HECTD4: variants seen among roughly 807,000 people sequenced by gnomAD.
The protein encoded by HECTD4 is probable E3 ubiquitin-protein ligase HECTD4.
HECTD4 carries 114 observed loss-of-function variants against 471.5 expected under a neutral mutation model. The ratio of observed to expected loss-of-function variants is 0.24; its 90% CI spans 0.21 to 0.28. The LOEUF is 0.28. Ranked by LOEUF, HECTD4 falls within the 10% of genes least tolerant of loss-of-function variation. HECTD4 has a pLI of 1.00. For missense variants in HECTD4, 3,866 were observed against 5,651.5 expected (o/e 0.68, Z 10.13); for synonymous variants, 2,012 against 2,256.0 (o/e 0.89, Z 3.07).
At chr12:112,262,044 C>A (rs1040450657) in intron 17 of HECTD4, 3 of 152,056 alleles carry the variant, frequency 2.0e-5, no homozygotes, top group Non-Finnish European at 4.4e-5. Flanking sequence ...AGTACAAATA[C>A]TAAATAATGT....
chr12:112,176,828 G>A, intron 64 of HECTD4, 126 bp from the exon 65 acceptor site: 1 of 746,284 alleles, frequency 1.3e-6, no homozygotes, highest in Non-Finnish European at 2.3e-6. Flanking sequence ...CTCAGATAGG[G>A]CGGGGGCGTT....
At chr12:112,272,950 T>A (rs1448462041) in intron 11 of HECTD4, among the ~76,000 whole-genome samples, 2 of 152,170 alleles carry the variant, frequency 1.3e-5, no homozygotes, top group Non-Finnish European at 2.9e-5. Flanking sequence ...GTGGTCAGCA[T>A]AGTAATTCTC....
Position 112,175,730 on chromosome 12 carries a change from T to C in HECTD4, c.11594+6A>G. 3.1e-6 allele frequency: 5 copies of C among 1,611,452 alleles called. No homozygotes were observed. The highest frequency in any genetic ancestry group is 4.2e-6 in the Non-Finnish European group (5 of 1,178,814). On this transcript the variant is annotated splice_donor_region_variant and intron_variant, in intron 66 of 75. Coordinates refer to ENST00000682272, the MANE Select transcript of HECTD4 (RefSeq NM_001388303.1). ...TGCCAACTGAGTCGAGGGGTAACCC[T>C]CTTACCTCTCAAAGTGAAGATCGTA... is the stretch of plus-strand genomic sequence containing the variant.
chr12:112,210,361 G>A (rs1472332676), intron 49 of HECTD4, 109 bp from the exon 50 acceptor site: 7 of 1,156,238 alleles, frequency 6.1e-6, no homozygotes, highest in Non-Finnish European at 8.9e-6. Flanking sequence ...ATAGCCCGAG[G>A]TGTGTGCTGG....
chr12:112,170,456 AG>A lies in HECTD4; in HGVS notation c.11933-5del. 6.2e-7 allele frequency: 1 copy of A among 1,613,750 alleles called. No individual in the cohort carries two copies. The highest frequency in any genetic ancestry group is 8.5e-7 in the Non-Finnish European group (1 of 1,179,828). The stretch of plus-strand genomic sequence containing the variant: ...TTCGTGTCATAGAAGATCAGCCCTA[AG>A]GAGAGGAACGTGGGAGAGGCTTGGG... On this transcript the variant is annotated splice_region_variant and splice_polypyrimidine_tract_variant and intron_variant, in intron 68 of 75. Coordinates refer to ENST00000682272, the MANE Select transcript of HECTD4 (RefSeq NM_001388303.1).
intron 2 of HECTD4, among the ~76,000 whole-genome samples, chr12:112,318,334 A>T (rs143725140): frequency 6.6e-6 from 1 of 152,096 alleles, no homozygotes; most frequent in Non-Finnish European, 1.5e-5. Flanking sequence ...CATATTTCCT[A>T]TTGATAGTGG....
chr12:112,247,156 A>G, intron 28 of HECTD4, 80 bp from the exon 29 acceptor site: 3 of 1,181,460 alleles, frequency 2.5e-6, no homozygotes, highest in African/African-American at 1.6e-5. Flanking sequence ...TTTACAAAGA[A>G]TAAGAGAAGA....
intron 20 of HECTD4, 91 bp downstream of exon 20, chr12:112,258,405 C>T: frequency 1.1e-6 from 1 of 890,532 alleles, no homozygotes; most frequent in Non-Finnish European, 1.7e-6. Flanking sequence ...CTAGATAATC[C>T]TTGCTAAAAA....
chr12:112,343,530 G>A (rs1263841833), intron 1 of HECTD4, among the ~76,000 whole-genome samples: 1 of 152,218 alleles, frequency 6.6e-6, no homozygotes, highest in Non-Finnish European at 1.5e-5. Context: ...AGCACTTGGG[G>A]AGACCAGGGA....
chr12:112,204,840 A>G (rs967760318), intron 52 of HECTD4, among the ~76,000 whole-genome samples: 2 of 152,146 alleles, frequency 1.3e-5, no homozygotes, highest in African/African-American at 4.8e-5. Context: ...CCACAGAAAT[A>G]TAAGCACTAA....
rs2036234955 is a variant in HECTD4 at position 112,350,686 on chromosome 12, T to C, written c.178-30944A>G. Among the ~76,000 whole-genome samples the C allele has an allele frequency of 1.3e-5, 2 of 152,224 alleles. 1 individual carries two copies. The highest frequency in any genetic ancestry group is 4.1e-4 in the South Asian group (2 of 4,836). The stretch of plus-strand genomic sequence containing the variant: ...TAGTGTCCCTCAAGTGAGTAAGACT[T>C]TATTTCATCATAAGAAAAAATAATA... On this transcript the variant is annotated intron_variant, in intron 1 of 75. Transcript: ENST00000682272.
chr12:112,334,565 C>A (rs190041526), intron 1 of HECTD4, among the ~76,000 whole-genome samples: 1 of 143,594 alleles, frequency 7.0e-6, no homozygotes, highest in South Asian at 2.3e-4. Flanking sequence ...GAGGCCGAGG[C>A]GGGCAGATCA....
Position 112,173,859 on chromosome 12 carries a change from G to C in HECTD4, c.11595-998C>G, listed in dbSNP as rs2031332709. Among the ~76,000 whole-genome samples the C allele has an allele frequency of 1.3e-5, 2 of 151,910 alleles. No homozygotes were observed. Among genetic ancestry groups the C allele is most frequent in the South Asian group, 4.1e-4 (2 of 4,832 alleles). On this transcript the variant is annotated intron_variant, in intron 66 of 75. Coordinates refer to ENST00000682272, the MANE Select transcript of HECTD4 (RefSeq NM_001388303.1). This position sits in a 1 kb window ranked among gnomAD's most constrained non-coding sequence, Gnocchi z 4.3. The stretch of plus-strand genomic sequence containing the variant: ...CCACCATAATGCAAGATCCATTCAG[G>C]GACTGACTCTGAGCCTTCAACAATG...
chr12:112,273,568 G>C lies in HECTD4; in HGVS notation c.1942+87C>G. The C allele has an allele frequency of 2.4e-6, 3 of 1,237,874 alleles. No individual in the cohort carries two copies. In the South Asian group the frequency reaches 4.1e-5, roughly 17 times the overall value. The allele number at this position is 1,237,874 out of a possible 1,614,324, so 76.7% of individuals were successfully genotyped here. ...AAAACTGGTGACACATTCTGGGGTT[G>C]GGCTATGTTTTCACCTACTAATGCT... On this transcript the variant is annotated intron_variant, in intron 11 of 75. Coordinates refer to ENST00000682272, the MANE Select transcript of HECTD4 (RefSeq NM_001388303.1).
rs370324625 is a variant in HECTD4 at position 112,251,138 on chromosome 12, C to T, written c.3553-4G>A. ...CTGAGACATCCTCCGAAGACTCCTA[C>T]AATGCAGACAGGGGTAAACCACACT... On this transcript the variant is annotated splice_polypyrimidine_tract_variant and splice_region_variant and intron_variant, in intron 23 of 75. Transcript: ENST00000682272. 1.2e-6 allele frequency: 2 copies of T among 1,612,924 alleles called. No homozygotes were observed. The highest frequency in any genetic ancestry group is 1.3e-5 in the African/African-American group (1 of 75,014).
At chr12:112,183,676 T>TA (rs2031753698) in intron 61 of HECTD4, among the ~76,000 whole-genome samples, 3 of 152,212 alleles carry the variant, frequency 2.0e-5, no homozygotes, top group Admixed American at 1.3e-4. Flanking sequence ...TTCCCTACCT[T>TA]ACTGTTATGC....
At chr12:112,286,999 G>A (rs940337225) in intron 7 of HECTD4, among the ~76,000 whole-genome samples, 5 of 152,148 alleles carry the variant, frequency 3.3e-5, no homozygotes, top group East Asian at 1.9e-4. Flanking sequence ...TTTTAGCACC[G>A]AAAGTTCCAT....
chr12:112,221,343 G>C (rs2135555260), intron 44 of HECTD4, among the ~76,000 whole-genome samples: 1 of 152,198 alleles, frequency 6.6e-6, no homozygotes, highest in Middle Eastern at 3.4e-3. Context: ...TGACTTCCTG[G>C]ACTCAGGTGA....
intron 1 of HECTD4, among the ~76,000 whole-genome samples, chr12:112,320,747 C>T (rs2035569123): frequency 6.6e-6 from 1 of 151,976 alleles, no homozygotes; most frequent in African/African-American, 2.4e-5. Context: ...AGATAGAGTA[C>T]TAGTAAAAAT....
Sources: allele counts gnomAD v4.1 joint callset (sites outside exome capture counted in the v4.1 genomes callset), GRCh38; gene constraint gnomAD v4.1.1; non-coding constraint Gnocchi (gnomAD v3.1); transcripts MANE v1.5; gene names NCBI Gene and HGNC (gene_info 2026-07-23, HGNC 2026-07-21).